RGS9: variants seen among roughly 807,000 people sequenced by gnomAD.
RGS9 encodes regulator of G-protein signalling 9.
In RGS9, 78 loss-of-function variants were observed where a neutral mutation model predicts 102.0. That is an observed-to-expected ratio of 0.76 (90% CI 0.64 to 0.92). The LOEUF (loss-of-function observed/expected upper bound fraction) is 0.92. RGS9 is among the 40% of genes least tolerant of loss of function. RGS9 has a pLI of 0.00. For synonymous variants in RGS9, 353 were observed against 318.6 expected, an observed-to-expected ratio of 1.11 and a Z score of -1.15; for missense variants, 833 against 866.1, an observed-to-expected ratio of 0.96 and a Z score of 0.48.
intron 2 of RGS9, among the ~76,000 whole-genome samples, chr17:65,155,408 AG>A (rs1174393984): frequency 3.9e-5 from 6 of 152,230 alleles, no homozygotes; most frequent in Non-Finnish European, 8.8e-5. Context: ...GGTTAGTAAA[AG>A]TTTATTGAAT....
intron 18 of RGS9, among the ~76,000 whole-genome samples, chr17:65,226,405 GGA>G (rs1905681571): frequency 6.6e-6 from 1 of 152,144 alleles, no homozygotes; most frequent in African/African-American, 2.4e-5. Flanking sequence ...TCGCTTAGGG[GGA>G]GAGGGAGGAG....
intron 12 of RGS9, among the ~76,000 whole-genome samples, chr17:65,195,698 A>T (rs997600109): frequency 6.6e-6 from 1 of 152,162 alleles, no homozygotes; most frequent in South Asian, 2.1e-4. Flanking sequence ...CAGTATTACA[A>T]TTACTGGGGA....
intron 8 of RGS9, among the ~76,000 whole-genome samples, chr17:65,172,238 C>T (rs1256174313): frequency 6.6e-6 from 1 of 152,146 alleles, no homozygotes; most frequent in African/African-American, 2.4e-5. Context: ...GTTTTTGAGA[C>T]AGAGTCTCGC....
intron 9 of RGS9, 91 bp from the exon 10 acceptor site, chr17:65,189,195 C>G: frequency 8.9e-7 from 1 of 1,118,068 alleles, no homozygotes; most frequent in Non-Finnish European, 1.4e-6. Flanking sequence ...GCATTTTTCT[C>G]ATGGGGAAGG....
chr17:65,161,117 G>A (rs987006670), intron 6 of RGS9, among the ~76,000 whole-genome samples: 2 of 152,214 alleles, frequency 1.3e-5, no homozygotes, highest in Non-Finnish European at 2.9e-5. Flanking sequence ...TTCTCTTGCT[G>A]TAATTTAAGC....
chr17:65,163,658 C>T (rs1308703695), intron 7 of RGS9, among the ~76,000 whole-genome samples: 2 of 152,012 alleles, frequency 1.3e-5, no homozygotes, highest in Non-Finnish European at 2.9e-5. Context: ...CAGAAGGAAT[C>T]GTAGAAATGG....
intron 18 of RGS9, among the ~76,000 whole-genome samples, chr17:65,226,138 G>T (rs1391309121): frequency 6.6e-6 from 1 of 152,234 alleles, no homozygotes; most frequent in African/African-American, 2.4e-5. Flanking sequence ...CAGGCCAGAG[G>T]GGGCAGAACT....
At chr17:65,155,644 G>T (rs1201021394) in intron 2 of RGS9, among the ~76,000 whole-genome samples, 1 of 152,086 alleles carries the variant, frequency 6.6e-6, no homozygotes, top group East Asian at 1.9e-4. Flanking sequence ...GGGCTCAAGT[G>T]ATCCTCCTGC....
intron 3 of RGS9, chr17:65,158,756 C>A (rs947525005): frequency 3.9e-5 from 13 of 332,368 alleles, no homozygotes; most frequent in African/African-American, 6.4e-5. Flanking sequence ...GATTGAGAGT[C>A]ATGGCTCCAG....
intron 8 of RGS9, among the ~76,000 whole-genome samples, chr17:65,172,020 C>T (rs1911439615): frequency 6.6e-6 from 1 of 152,200 alleles, no homozygotes; most frequent in South Asian, 2.1e-4. Context: ...ACCACATATG[C>T]AGACACTTGC....
At chr17:65,152,810 G>A (rs111521241) in intron 1 of RGS9, among the ~76,000 whole-genome samples, 5,998 of 152,362 alleles carry the variant, frequency 0.039, 189 homozygotes, top group Middle Eastern at 0.11. Flanking sequence ...GATTACAGGC[G>A]TGAGCCACTG....
Position 65,168,618 on chromosome 17 carries a change from G to A in RGS9, c.582+337G>A, listed in dbSNP as rs990432163. Among the ~76,000 whole-genome samples, 4 of 144,336 alleles carry A rather than the reference G, an allele frequency of 2.8e-5. No individual in the cohort carries two copies. In the South Asian group the frequency reaches 8.7e-4, roughly 32 times the overall value. The allele number at this position is 144,336 out of a possible 152,430, so 94.7% of individuals were successfully genotyped here. Reference sequence around the variant, plus strand: ...GAATATAAGGAGAAAAAATTAGAACGTAGGCCCCAATGGAGGCGCCAATGC... The same window carrying A: ...GAATATAAGGAGAAAAAATTAGAACATAGGCCCCAATGGAGGCGCCAATGC... On this transcript the variant is annotated intron_variant, in intron 8 of 18. Transcript: ENST00000262406.
chr17:65,143,613 C>A (rs997180239), intron 1 of RGS9, among the ~76,000 whole-genome samples: 3 of 151,894 alleles, frequency 2.0e-5, no homozygotes, highest in Non-Finnish European at 2.9e-5. Context: ...GAAACCCTGT[C>A]TCTACCAAAA....
chr17:65,220,601 C>T (rs1913672796), intron 17 of RGS9, among the ~76,000 whole-genome samples: 1 of 152,156 alleles, frequency 6.6e-6, no homozygotes, highest in African/African-American at 2.4e-5. Flanking sequence ...AGTGGGAAGG[C>T]ACTGGAAGAG....
At chr17:65,209,660 T>A (rs1474704616) in intron 16 of RGS9, among the ~76,000 whole-genome samples, 1 of 152,218 alleles carries the variant, frequency 6.6e-6, no homozygotes, top group Non-Finnish European at 1.5e-5. Context: ...ATATTGCACA[T>A]GAGCAGGGTA....
chr17:65,148,352 C>T (rs1002286019), intron 1 of RGS9, among the ~76,000 whole-genome samples: 4 of 152,192 alleles, frequency 2.6e-5, no homozygotes, highest in African/African-American at 7.2e-5. Context: ...TTTTGGCTAA[C>T]GTGTATAGTG....
At chr17:65,202,144 T>G in intron 14 of RGS9, 64 bp downstream of exon 14, 1 of 1,139,580 alleles carries the variant, frequency 8.8e-7, no homozygotes, top group Non-Finnish European at 1.3e-6. Flanking sequence ...CCCATTGTGC[T>G]TGAGGTGAAG....
At position 65,204,146 on chromosome 17, in the gene RGS9, T is replaced by A; in HGVS notation, c.1065-17T>A. On this transcript the variant is annotated splice_polypyrimidine_tract_variant and intron_variant, in intron 14 of 18. Coordinates refer to ENST00000262406, the MANE Select transcript of RGS9 (RefSeq NM_003835.4). ...CTTGGTTTAGTTACTTTTGCTAACA[T>A]CTCCCTCCCACCCCAGGCTGTTCCT... is the stretch of plus-strand genomic sequence containing the variant. The A allele has an allele frequency of 6.2e-7, 1 of 1,612,212 alleles. No individual in the cohort carries two copies. Among genetic ancestry groups the A allele is most frequent in the Non-Finnish European group, 8.5e-7 (1 of 1,179,982 alleles).
chr17:65,216,496 G>T (rs748775620), intron 17 of RGS9, among the ~76,000 whole-genome samples: 1 of 152,318 alleles, frequency 6.6e-6, no homozygotes, highest in Non-Finnish European at 1.5e-5. Flanking sequence ...AATTAGCCGG[G>T]CGTGGTGGCA....
Sources: gnomAD v4.1 joint callset for allele counts (sites outside exome capture counted in the v4.1 genomes callset) on GRCh38, gnomAD v4.1.1 for gene constraint, MANE v1.5 for transcripts, NCBI Gene and HGNC (gene_info 2026-07-23, HGNC 2026-07-21) for gene names.